FRMD4A: variants seen among roughly 807,000 people sequenced by gnomAD.
The protein encoded by FRMD4A is FERM domain-containing protein 4A.
Under a neutral mutation model 129.1 loss-of-function variants are expected in FRMD4A, and 29 were observed. That is an observed-to-expected ratio of 0.22 (90% confidence interval 0.17 to 0.31). The LOEUF is 0.31. FRMD4A is among the 10% of genes least tolerant of loss of function. The pLI, the probability that FRMD4A is intolerant of heterozygous loss-of-function variation, is 1.00. For synonymous variants in FRMD4A, 634 were observed against 571.6 expected (o/e 1.11, Z -1.56); for missense variants, 1,272 against 1,375.8 (o/e 0.92, Z 1.19).
rs760389203 is a variant in FRMD4A, at chr10:13,657,332, G to A, written c.2257C>T (p.His753Tyr). 2.5e-6 allele frequency: 4 copies of A among 1,610,330 alleles called. No homozygotes were observed. The highest frequency in any genetic ancestry group is 2.2e-5 in the South Asian group (2 of 90,968). Residue 753 changes from histidine (H) to tyrosine (Y), a missense_variant, in exon 22 of 25, where the codon CAC becomes TAC. Coordinates refer to ENST00000357447, the MANE Select transcript of FRMD4A (RefSeq NM_018027.5). ...PMDDCSSCTSHSSSEHYYPAQ... is the reference protein window; with the variant it reads ...PMDDCSSCTSYSSSEHYYPAQ... ...GGGTAGTAGTGCTCCGAGCTCGAGTGGCTGGTGCACGACGAGCAGTCGTCC... is the reference window on the plus strand; with the variant it reads ...GGGTAGTAGTGCTCCGAGCTCGAGTAGCTGGTGCACGACGAGCAGTCGTCC...
intron 2 of FRMD4A, among the ~76,000 whole-genome samples, chr10:13,995,647 G>A (rs937254145): frequency 3.9e-5 from 6 of 152,184 alleles, no homozygotes; most frequent in African/African-American, 1.4e-4. Flanking sequence ...TAGGATCTAG[G>A]TATTGCCCCG....
chr10:13,749,111 A>C (rs991503337), intron 8 of FRMD4A, among the ~76,000 whole-genome samples: 3 of 152,176 alleles, frequency 2.0e-5, no homozygotes, highest in African/African-American at 4.8e-5. Flanking sequence ...AACAAACGGC[A>C]GCCACTTTGG....
intron 2 of FRMD4A, among the ~76,000 whole-genome samples, chr10:13,871,821 C>T (rs938412924): frequency 6.6e-6 from 1 of 152,264 alleles, no homozygotes; most frequent in African/African-American, 2.4e-5. Flanking sequence ...CTCCAGCTAC[C>T]TGGGGACCCA....
At chr10:13,746,276 T>A (rs1428095164) in intron 9 of FRMD4A, among the ~76,000 whole-genome samples, 1 of 151,356 alleles carries the variant, frequency 6.6e-6, no homozygotes, top group Non-Finnish European at 1.5e-5. Flanking sequence ...AGTGGCACAA[T>A]CTTTGTTCCC....
chr10:14,201,309 A>C (rs979925319), intron 2 of FRMD4A, among the ~76,000 whole-genome samples: 26 of 152,202 alleles, frequency 1.7e-4, no homozygotes, highest in Non-Finnish European at 2.9e-5. Flanking sequence ...CAAGTTACCC[A>C]GTTAGCAATG....
chr10:13,902,456 G>GGAGAGAGAGAGAGAGAGAGAGAGAAAGA, intron 2 of FRMD4A, among the ~76,000 whole-genome samples: 1 of 127,780 alleles, frequency 7.8e-6, no homozygotes, highest in Non-Finnish European at 1.6e-5. Context: ...GCAAAATACT[G>GGAGAGAGAGAGAGAGAGAGAGAGAAAGA]GAGAGAGAGA....
At chr10:13,689,792 G>A (rs2085500456) in intron 15 of FRMD4A, among the ~76,000 whole-genome samples, 1 of 151,970 alleles carries the variant, frequency 6.6e-6, no homozygotes, top group Admixed American at 6.6e-5. Flanking sequence ...GGAACTCCTG[G>A]CTTCAAGTGA....
chr10:14,127,612 GC>G (rs1838917319), intron 2 of FRMD4A, among the ~76,000 whole-genome samples: 1 of 152,142 alleles, frequency 6.6e-6, no homozygotes, highest in Non-Finnish European at 1.5e-5. Context: ...GATAGTGTCT[GC>G]CTGTGCCCGT....
intron 2 of FRMD4A, among the ~76,000 whole-genome samples, chr10:14,219,584 C>T (rs534939202): frequency 3.9e-5 from 6 of 152,258 alleles, no homozygotes; most frequent in Non-Finnish European, 7.4e-5. Context: ...TGCTGCAAAC[C>T]TTTGCTTTTT....
intron 2 of FRMD4A, among the ~76,000 whole-genome samples, chr10:14,042,534 A>G (rs976845931): frequency 6.6e-6 from 1 of 152,184 alleles, no homozygotes; most frequent in African/African-American, 2.4e-5. Flanking sequence ...TGCTGAGGAA[A>G]TTAAATTTAT....
chr10:13,960,917 G>A (rs12243327), intron 2 of FRMD4A, among the ~76,000 whole-genome samples: 3,317 of 152,230 alleles, frequency 0.022, 135 homozygotes, highest in African/African-American at 0.076. Context: ...AGATGACATC[G>A]AATGATCCTA....
chr10:13,804,714 C>CTTTTTTTTTTT (rs35111872), intron 4 of FRMD4A, among the ~76,000 whole-genome samples: 23 of 127,672 alleles, frequency 1.8e-4, no homozygotes, highest in Middle Eastern at 3.9e-3. Context: ...CCAGCTAATT[C>CTTTTTTTTTTT]TTTTTTTTTT....
intron 2 of FRMD4A, among the ~76,000 whole-genome samples, chr10:13,962,632 C>G (rs1375670620): frequency 1.3e-5 from 2 of 152,142 alleles, no homozygotes; most frequent in Admixed American, 1.3e-4. Context: ...TTAAGTAAAA[C>G]CCTGGCTGTT....
At chr10:14,129,803 A>C (rs1019786460) in intron 2 of FRMD4A, among the ~76,000 whole-genome samples, 6 of 152,192 alleles carry the variant, frequency 3.9e-5, no homozygotes, top group African/African-American at 1.4e-4. Flanking sequence ...AATAGCTTTA[A>C]TTAACACTCA....
chr10:13,912,931 G>T (rs1194560415), intron 2 of FRMD4A, among the ~76,000 whole-genome samples: 2 of 151,882 alleles, frequency 1.3e-5, no homozygotes. Context: ...AAATTAGCTG[G>T]GTGTGGTGGT....
intron 2 of FRMD4A, among the ~76,000 whole-genome samples, chr10:14,308,827 C>T (rs1424775043): frequency 6.6e-6 from 1 of 152,200 alleles, no homozygotes; most frequent in Non-Finnish European, 1.5e-5. Flanking sequence ...CTTGAAGAAA[C>T]TGGTCAAATT....
At chr10:13,667,337 C>G (rs1486373810) in intron 17 of FRMD4A, 3 of 151,294 alleles carry the variant, frequency 2.0e-5, no homozygotes, top group Non-Finnish European at 4.4e-5. Context: ...GGAGGCAGTC[C>G]CCCTCCCACC....
intron 14 of FRMD4A, among the ~76,000 whole-genome samples, chr10:13,700,455 C>A (rs2086699359): frequency 6.6e-6 from 1 of 152,188 alleles, no homozygotes; most frequent in African/African-American, 2.4e-5. Context: ...GGAGGGAAAT[C>A]CTCCGTAAGT....
At chr10:13,699,235 T>G (rs1307766491) in intron 14 of FRMD4A, among the ~76,000 whole-genome samples, 1 of 131,878 alleles carries the variant, frequency 7.6e-6, no homozygotes, top group Non-Finnish European at 1.7e-5. Context: ...TTTTTTTTTT[T>G]TTTTTTTTTT....
Sources: allele counts gnomAD v4.1 joint callset (sites outside exome capture counted in the v4.1 genomes callset), GRCh38; gene constraint gnomAD v4.1.1; transcripts MANE v1.5; gene names NCBI Gene and HGNC (gene_info 2026-07-23, HGNC 2026-07-21).